Variants in XPNPEP3 observed in about 807,000 individuals in gnomAD.
XPNPEP3 encodes xaa-Pro aminopeptidase 3.
XPNPEP3 carries 41 observed loss-of-function variants against 60.0 expected under a neutral mutation model. That is an observed-to-expected ratio of 0.68 (90% CI 0.53 to 0.89). XPNPEP3 has a LOEUF of 0.89. XPNPEP3 is among the 40% of genes least tolerant of loss of function. The pLI is 0.00. For synonymous variants in XPNPEP3, 212 were observed against 223.2 expected, an observed-to-expected ratio of 0.95 and a Z score of 0.45; for missense variants, 598 against 638.9, an observed-to-expected ratio of 0.94 and a Z score of 0.69.
rs573856806 is a variant in XPNPEP3, at chr22:40,890,104, C to G, written c.792+3589C>G. Among the ~76,000 whole-genome samples, 4 of 152,294 alleles carry G rather than the reference C, an allele frequency of 2.6e-5. No homozygotes were observed. The East Asian group carries it at 5.8e-4, about 22-fold the overall frequency. On this transcript the variant is annotated intron_variant, in intron 4 of 9. Transcript: ENST00000357137. ...TCCCAACAGGACTTTAATTCAGTCT[C>G]TCAATGTATTTGATCATCATCATCA... is the stretch of plus-strand genomic sequence containing the variant.
intron 2 of XPNPEP3, among the ~76,000 whole-genome samples, chr22:40,879,305 T>C (rs1384683912): frequency 1.3e-5 from 2 of 152,212 alleles, no homozygotes; most frequent in African/African-American, 4.8e-5. Flanking sequence ...AACAAAAACA[T>C]AAATTTGTTT....
At position 40,931,213 on chromosome 22, in the gene XPNPEP3, A is replaced by T. The variant is rs1403440356; in HGVS notation, c.*4778A>T. On this transcript the variant is annotated 3_prime_UTR_variant, in exon 10 of 10. Transcript: ENST00000357137. ...GCATTCCTATTAAAAATCTTAACTT[A>T]AAAAAAATTACTCAAATGTTACTAC... 6.6e-6 allele frequency: 1 copy of T among 151,974 alleles called. No homozygotes were observed. The highest frequency in any genetic ancestry group is 1.5e-5 in the Non-Finnish European group (1 of 67,972). 9.4% of individuals were successfully genotyped at this position (151,974 alleles called of 1,614,324 possible).
intron 4 of XPNPEP3, among the ~76,000 whole-genome samples, chr22:40,891,355 C>T (rs899730458): frequency 6.6e-6 from 1 of 151,382 alleles, no homozygotes; most frequent in Non-Finnish European, 1.5e-5. Flanking sequence ...GACCCTTCCT[C>T]AAAAAGTTAC....
chr22:40,916,358 A>C (rs1256494105), intron 7 of XPNPEP3, among the ~76,000 whole-genome samples: 1 of 152,170 alleles, frequency 6.6e-6, no homozygotes, highest in Non-Finnish European at 1.5e-5. Flanking sequence ...ACTCTAAAGT[A>C]GCTGTTATAG....
At chr22:40,865,719 C>T (rs2057975301) in intron 1 of XPNPEP3, among the ~76,000 whole-genome samples, 1 of 151,646 alleles carries the variant, frequency 6.6e-6, no homozygotes, top group Admixed American at 6.6e-5. Flanking sequence ...CGGGTAGAGA[C>T]AGGGTTTAGC....
At chr22:40,900,022 ACCACTGCATTCCAG>A (rs1364557523) in intron 4 of XPNPEP3, among the ~76,000 whole-genome samples, 1 of 151,928 alleles carries the variant, frequency 6.6e-6, no homozygotes, top group East Asian at 1.9e-4. Context: ...CCAAGATTAC[ACCACTGCATTCCAG>A]CCTGGGCAAC....
At chr22:40,860,492 T>C (rs2057936261) in intron 1 of XPNPEP3, 1 of 470,544 alleles carries the variant, frequency 2.1e-6, no homozygotes, top group East Asian at 3.7e-5. Flanking sequence ...TCATGAATAA[T>C]TGTGTAGTCT....
chr22:40,866,368 C>G (rs1327043469), intron 1 of XPNPEP3, among the ~76,000 whole-genome samples: 1 of 151,716 alleles, frequency 6.6e-6, no homozygotes, highest in East Asian at 1.9e-4. Flanking sequence ...ACATCTGAAA[C>G]AAGCAGAACA....
At chr22:40,861,799 C>T (rs1409108143) in intron 1 of XPNPEP3, 1 of 1,613,084 alleles carries the variant, frequency 6.2e-7, no homozygotes, top group Admixed American at 1.7e-5. Flanking sequence ...CCATATTTAT[C>T]ATAAATGTCC....
chr22:40,904,017 G>A (rs1435211125), intron 4 of XPNPEP3, among the ~76,000 whole-genome samples: 1 of 152,112 alleles, frequency 6.6e-6, no homozygotes, highest in Non-Finnish European at 1.5e-5. Context: ...GATGCAGGGT[G>A]AAATGCAAAG....
intron 4 of XPNPEP3, among the ~76,000 whole-genome samples, chr22:40,905,316 G>A (rs1442501014): frequency 2.0e-5 from 3 of 151,550 alleles, no homozygotes; most frequent in Non-Finnish European, 4.4e-5. Context: ...TCTCCACCTC[G>A]TGAACCACCG....
intron 3 of XPNPEP3, among the ~76,000 whole-genome samples, chr22:40,884,278 A>G (rs572833923): frequency 1.3e-5 from 2 of 150,760 alleles, no homozygotes; most frequent in South Asian, 4.2e-4. Context: ...TTAATTCAGT[A>G]TAGTTACAAT....
At chr22:40,863,818 A>G (rs1466659864) in intron 1 of XPNPEP3, among the ~76,000 whole-genome samples, 1 of 152,242 alleles carries the variant, frequency 6.6e-6, no homozygotes, top group Non-Finnish European at 1.5e-5. Context: ...TAATTTGTCT[A>G]AGGCTACATA....
intron 7 of XPNPEP3, among the ~76,000 whole-genome samples, chr22:40,919,466 G>A (rs1484755831): frequency 3.3e-5 from 5 of 152,192 alleles, no homozygotes; most frequent in African/African-American, 7.2e-5. Context: ...GAGGCAGAGA[G>A]CGATCCTCAC....
rs2146254144 is a variant in XPNPEP3, at chr22:40,886,326, G to C, written c.603G>C (p.Met201Ile). 1 of 1,614,050 alleles carries C rather than the reference G, an allele frequency of 6.2e-7. No homozygotes were observed. Among genetic ancestry groups the C allele is most frequent in the East Asian group, 2.2e-5 (1 of 44,872 alleles). ...LLPKMKAETN[M>I]VWYDWMRPSH... ...TCTCATTCTAAGCTGAGACGAACAT[G>C]GTTTGGTATGACTGGATGAGGCCCT... The change falls in exon 4 of 10, where the codon ATG becomes ATC. Residue 201 changes from methionine to isoleucine, a missense_variant. Coordinates refer to ENST00000357137, the MANE Select transcript of XPNPEP3 (RefSeq NM_022098.4).
rs370470174 is a variant in XPNPEP3 at position 40,857,150 on chromosome 22, C to T, written c.-32C>T. The T allele has an allele frequency of 8.7e-6, 14 of 1,613,434 alleles. No homozygotes were observed. In the Middle Eastern group the frequency reaches 9.9e-4, roughly 114 times the overall value. On this transcript the variant is annotated 5_prime_UTR_variant, in exon 1 of 10. Coordinates refer to ENST00000357137, the MANE Select transcript of XPNPEP3 (RefSeq NM_022098.4). Reference sequence around the variant, plus strand: ...CGGTTGCGTTCCCCGTCGTTACCCTCTTTCTCTTCCCGACGCGTGAGTTAG... The same window carrying T: ...CGGTTGCGTTCCCCGTCGTTACCCTTTTTCTCTTCCCGACGCGTGAGTTAG...
Position 40,928,860 on chromosome 22 carries a change from CAGAT to C in XPNPEP3, c.*2427_*2430del, listed in dbSNP as rs2058244792. 6.6e-6 allele frequency: 1 copy of C among 152,294 alleles called. No individual in the cohort carries two copies. Among genetic ancestry groups the C allele is most frequent in the South Asian group, 2.1e-4 (1 of 4,820 alleles). 9.4% of individuals were successfully genotyped at this position (152,294 alleles called of 1,614,324 possible). On this transcript the variant is annotated 3_prime_UTR_variant, in exon 10 of 10. Coordinates refer to ENST00000357137, the MANE Select transcript of XPNPEP3 (RefSeq NM_022098.4). ...GACAGGCAGTGACTTCCTCAAGAGACAGATAATGTGAAAACAAAAGTGATACAAA... is the reference window on the plus strand; with the variant it reads ...GACAGGCAGTGACTTCCTCAAGAGACAATGTGAAAACAAAAGTGATACAAA...
intron 1 of XPNPEP3, chr22:40,859,981 G>C (rs748761017): frequency 6.6e-6 from 1 of 152,158 alleles, no homozygotes; most frequent in Admixed American, 6.5e-5. Context: ...CTACCATACA[G>C]ACTGCTCTGA....
rs527550783 is a variant in XPNPEP3 at position 40,918,625 on chromosome 22, A to C, written c.1056-3708A>C. ...CTTGAACCCGGGAGGTGGAGGTCGCAGTGAGCCGAGATCACACCACTGTAC... is the reference window on the plus strand; with the variant it reads ...CTTGAACCCGGGAGGTGGAGGTCGCCGTGAGCCGAGATCACACCACTGTAC... On this transcript the variant is annotated intron_variant, in intron 7 of 9. Coordinates refer to ENST00000357137, the MANE Select transcript of XPNPEP3 (RefSeq NM_022098.4). Among the ~76,000 whole-genome samples, 120 of 150,366 alleles carry C rather than the reference A, an allele frequency of 8.0e-4. 1 individual carries two copies. The highest frequency in any genetic ancestry group is 2.1e-3 in the South Asian group (10 of 4,706).
Sources: gnomAD v4.1 joint callset for allele counts (sites outside exome capture counted in the v4.1 genomes callset) on GRCh38, gnomAD v4.1.1 for gene constraint, MANE v1.5 for transcripts, NCBI Gene and HGNC (gene_info 2026-07-23, HGNC 2026-07-21) for gene names.